DACH1: variants seen among roughly 807,000 people sequenced by gnomAD.
The protein encoded by DACH1 is dachshund family transcription factor 1, also known as dachshund homolog 1.
Under a neutral mutation model 54.2 loss-of-function variants are expected in DACH1, and 12 were observed. The observed-to-expected ratio is 0.22, with a 90% CI of 0.14 to 0.36. The LOEUF is 0.36. Among genes scored for constraint, DACH1 ranks in the 10% least tolerant of loss-of-function variants. The pLI, the probability that DACH1 is intolerant of heterozygous loss-of-function variation, is 1.00. For missense variants in DACH1, 805 were observed against 929.8 expected (o/e 0.87, Z 1.75); for synonymous variants, 386 against 366.2 (o/e 1.05, Z -0.62).
chr13:71,562,174 G>A (rs549090388), intron 4 of DACH1, among the ~76,000 whole-genome samples: 2 of 152,064 alleles, frequency 1.3e-5, no homozygotes, highest in African/African-American at 4.8e-5. Context: ...GAAGGCAGAC[G>A]TATTGTTAGT....
chr13:71,525,168 C>T (rs1365024929), intron 6 of DACH1, among the ~76,000 whole-genome samples: 1 of 152,078 alleles, frequency 6.6e-6, no homozygotes, highest in Non-Finnish European at 1.5e-5. Flanking sequence ...TAGGAAACCG[C>T]AGATGGGCTG....
Position 71,652,750 on chromosome 13 carries a change from G to C in DACH1, c.965-22033C>G, listed in dbSNP as rs557146619. Among the ~76,000 whole-genome samples, 12 of 152,256 alleles carry C rather than the reference G, an allele frequency of 7.9e-5. No homozygotes were observed. The East Asian group carries it at 2.3e-3, about 29-fold the overall frequency. ...TTATATTGTTATCATGTGTTTACCA[G>C]CTTGTCCAATTATACTATGAGCTCC... On this transcript the variant is annotated intron_variant, in intron 2 of 10. Coordinates refer to ENST00000613252, the MANE Select transcript of DACH1 (RefSeq NM_080759.6).
chr13:71,866,116 G>T lies in DACH1; in HGVS notation c.654C>A (p.Phe218Leu). 1 of 1,613,690 alleles carries T rather than the reference G, an allele frequency of 6.2e-7. No homozygotes were observed. ...LICLPQAFDL[F>L]LKHLVGGLHT... ...GCAAGCCCCCCACCAAGTGCTTCAG[G>T]AACAGGTCGAAAGCCTGGGGCAGGC... The change falls in exon 1 of 11, where the codon TTC becomes TTA. Residue 218 changes from phenylalanine (F) to leucine (L), a missense_variant. Coordinates refer to ENST00000613252, the MANE Select transcript of DACH1 (RefSeq NM_080759.6).
intron 2 of DACH1, among the ~76,000 whole-genome samples, chr13:71,641,923 A>T (rs1394678639): frequency 6.6e-6 from 1 of 152,194 alleles, no homozygotes; most frequent in African/African-American, 2.4e-5. Flanking sequence ...CAGAGCAATT[A>T]TATATCAGGA....
At chr13:71,812,875 A>G (rs1887771754) in intron 1 of DACH1, among the ~76,000 whole-genome samples, 1 of 152,180 alleles carries the variant, frequency 6.6e-6, no homozygotes, top group Non-Finnish European at 1.5e-5. Flanking sequence ...ACAATTCCAT[A>G]TAAGTTTAAG....
chr13:71,839,827 T>A lies in DACH1; in HGVS notation c.848+26095A>T, dbSNP rs1217192062. The stretch of plus-strand genomic sequence containing the variant: ...ACTTACAATACTGTTCAGCAAAAAC[T>A]AGAGAGTTAATGTCAACTTACTTCT... On this transcript the variant is annotated intron_variant, in intron 1 of 10. Transcript: ENST00000613252. Among the ~76,000 whole-genome samples the A allele has an allele frequency of 2.0e-5, 3 of 152,048 alleles. No individual in the cohort carries two copies. The South Asian group carries it at 6.2e-4, about 32-fold the overall frequency.
intron 1 of DACH1, among the ~76,000 whole-genome samples, chr13:71,853,195 C>G (rs1199805629): frequency 6.6e-6 from 1 of 152,170 alleles, no homozygotes; most frequent in Non-Finnish European, 1.5e-5. Flanking sequence ...AGAAACCTCT[C>G]TCAATCACTA....
At chr13:71,503,577 A>C (rs2138238519) in intron 6 of DACH1, among the ~76,000 whole-genome samples, 1 of 152,350 alleles carries the variant, frequency 6.6e-6, no homozygotes, top group South Asian at 2.1e-4. Flanking sequence ...AAATCCCAAT[A>C]TTTACTAAAT....
chr13:71,709,712 A>G (rs1009216103), intron 1 of DACH1, among the ~76,000 whole-genome samples: 6 of 152,212 alleles, frequency 3.9e-5, no homozygotes, highest in African/African-American at 1.4e-4. Flanking sequence ...TATTATAAGT[A>G]TGCACATATA....
chr13:71,816,319 C>T (rs1396857004), intron 1 of DACH1, among the ~76,000 whole-genome samples: 1 of 151,706 alleles, frequency 6.6e-6, no homozygotes, highest in Non-Finnish European at 1.5e-5. Flanking sequence ...CCCATTTTTG[C>T]CTGGACTCTA....
chr13:71,636,066 G>A (rs1274010647), intron 2 of DACH1, among the ~76,000 whole-genome samples: 3 of 152,226 alleles, frequency 2.0e-5, no homozygotes, highest in Non-Finnish European at 2.9e-5. Context: ...TTACAGGCAT[G>A]AGCCACTGCG....
chr13:71,631,466 A>G (rs988632103), intron 2 of DACH1, among the ~76,000 whole-genome samples: 1 of 152,124 alleles, frequency 6.6e-6, no homozygotes, highest in African/African-American at 2.4e-5. Flanking sequence ...GAACTACTCA[A>G]TGGCAGGAAG....
chr13:71,577,724 G>T (rs1413368032), intron 3 of DACH1, among the ~76,000 whole-genome samples: 4 of 152,052 alleles, frequency 2.6e-5, no homozygotes, highest in Non-Finnish European at 5.9e-5. Flanking sequence ...ACTGGTTCTT[G>T]TAAATAAACT....
At chr13:71,586,284 G>C (rs2138447157) in intron 3 of DACH1, among the ~76,000 whole-genome samples, 1 of 152,206 alleles carries the variant, frequency 6.6e-6, no homozygotes, top group African/African-American at 2.4e-5. Flanking sequence ...GAGTGACACA[G>C]TTGGAGATGC....
intron 6 of DACH1, among the ~76,000 whole-genome samples, chr13:71,492,258 T>C (rs2138210485): frequency 6.6e-6 from 1 of 152,274 alleles, no homozygotes; most frequent in African/African-American, 2.4e-5. Flanking sequence ...AATGTTATTT[T>C]ACTTTAAAAA....
intron 6 of DACH1, among the ~76,000 whole-genome samples, chr13:71,516,767 A>G (rs1485774921): frequency 6.6e-6 from 1 of 151,814 alleles, no homozygotes; most frequent in Non-Finnish European, 1.5e-5. Context: ...TACATTAATT[A>G]GTTTAAACTA....
rs1011975515 is a variant in DACH1, at chr13:71,652,291, T to G, written c.965-21574A>C. On this transcript the variant is annotated intron_variant, in intron 2 of 10. Transcript: ENST00000613252. ...TGTCCCTTTATCTTCCCTCTCCCCA[T>G]GGCAGATTGTCTTTCTTTTTCTGCT... Among the ~76,000 whole-genome samples, 3 of 152,144 alleles carry G rather than the reference T, an allele frequency of 2.0e-5. No individual in the cohort carries two copies. The South Asian group carries it at 6.2e-4, about 32-fold the overall frequency.
intron 10 of DACH1, among the ~76,000 whole-genome samples, chr13:71,455,365 T>G (rs960704652): frequency 6.6e-6 from 1 of 152,100 alleles, no homozygotes; most frequent in South Asian, 2.1e-4. Flanking sequence ...TAGATAGATA[T>G]ATCCATATCT....
At chr13:71,797,996 C>T (rs995841709) in intron 1 of DACH1, among the ~76,000 whole-genome samples, 11 of 151,866 alleles carry the variant, frequency 7.2e-5, no homozygotes, top group Non-Finnish European at 1.0e-4. Flanking sequence ...GAAGTTGCTC[C>T]GATTTTTAAA....
Sources: allele counts gnomAD v4.1 joint callset (sites outside exome capture counted in the v4.1 genomes callset), GRCh38; gene constraint gnomAD v4.1.1; transcripts MANE v1.5; gene names NCBI Gene and HGNC (gene_info 2026-07-23, HGNC 2026-07-21).